Variants in NRG1 observed in about 807,000 individuals in gnomAD.
The protein encoded by NRG1 is pro-neuregulin-1, membrane-bound isoform.
In NRG1, 18 loss-of-function variants were observed where a neutral mutation model predicts 63.8. The ratio of observed to expected loss-of-function variants is 0.28; its 90% confidence interval spans 0.19 to 0.42. The LOEUF (loss-of-function observed/expected upper bound fraction) is 0.42. Ranked by LOEUF, NRG1 falls within the 10% of genes least tolerant of loss-of-function variation. The pLI is 1.00. For missense variants in NRG1, 762 were observed against 814.7 expected, an observed-to-expected ratio of 0.94 and a Z score of 0.79; for synonymous variants, 302 against 301.3, an observed-to-expected ratio of 1.00 and a Z score of -0.02.
At chr8:31,773,868 T>C (rs1818865300) in intron 1 of NRG1, among the ~76,000 whole-genome samples, 1 of 152,214 alleles carries the variant, frequency 6.6e-6, no homozygotes, top group Non-Finnish European at 1.5e-5. Context: ...ATGTATCAGT[T>C]TTCTACCTTG....
chr8:31,981,911 T>C (rs528972958), intron 1 of NRG1, among the ~76,000 whole-genome samples: 12 of 152,052 alleles, frequency 7.9e-5, no homozygotes, highest in African/African-American at 2.7e-4. Flanking sequence ...GGCAAAGGGA[T>C]TGATATTTAA....
intron 1 of NRG1, among the ~76,000 whole-genome samples, chr8:32,022,643 T>C (rs1169709088): frequency 6.6e-6 from 1 of 152,182 alleles, no homozygotes; most frequent in African/African-American, 2.4e-5. Flanking sequence ...GACACATTAA[T>C]TGACAACTCC....
chr8:32,389,532 G>T (rs771872017), intron 1 of NRG1, among the ~76,000 whole-genome samples: 1 of 152,076 alleles, frequency 6.6e-6, no homozygotes, highest in African/African-American at 2.4e-5. Context: ...CATCAAGTCT[G>T]GTTGAACCTA....
At chr8:32,425,144 A>G (rs1023504861) in intron 1 of NRG1, among the ~76,000 whole-genome samples, 7 of 152,210 alleles carry the variant, frequency 4.6e-5, no homozygotes. Context: ...AAGGAGGCCA[A>G]ATAGAATGAT....
chr8:31,774,996 G>A lies in NRG1; in HGVS notation c.37+135565G>A, dbSNP rs182104154. ...AACCATTATACATTGTTGGTGGGAA[G>A]GTAAATTAGTACAACCCCTATGGAA... On this transcript the variant is annotated intron_variant, in intron 1 of 10. Transcript: ENST00000519301. 3.9e-5 allele frequency among the ~76,000 whole-genome samples: 6 copies of A among 152,128 alleles called. 1 individual carries two copies. In the South Asian group the frequency reaches 1.0e-3, roughly 26 times the overall value.
At chr8:32,700,337 A>C (rs1814526136) in intron 5 of NRG1, among the ~76,000 whole-genome samples, 1 of 152,184 alleles carries the variant, frequency 6.6e-6, no homozygotes, top group Admixed American at 6.5e-5. Flanking sequence ...GTGAAATGAT[A>C]GGGCAAAAAT....
chr8:32,755,484 G>A (rs956989029), intron 8 of NRG1, among the ~76,000 whole-genome samples: 1 of 152,158 alleles, frequency 6.6e-6, no homozygotes, highest in Admixed American at 6.6e-5. Context: ...AAGGGATAGA[G>A]ATAAGCCTTC....
chr8:32,187,421 G>C (rs1447533336), intron 1 of NRG1, among the ~76,000 whole-genome samples: 15 of 152,082 alleles, frequency 9.9e-5, no homozygotes, highest in South Asian at 2.1e-4. Flanking sequence ...AAATAATTAA[G>C]GGCAAGCATT....
At chr8:32,063,052 G>A (rs960303498) in intron 1 of NRG1, 3 of 152,112 alleles carry the variant, frequency 2.0e-5, no homozygotes, top group African/African-American at 7.2e-5. Context: ...AAACTGTAAA[G>A]ATGTAAATGT....
intron 1 of NRG1, among the ~76,000 whole-genome samples, chr8:31,897,263 C>T (rs1831648292): frequency 6.6e-6 from 1 of 152,024 alleles, no homozygotes; most frequent in African/African-American, 2.4e-5. Flanking sequence ...TCCCTCCTCC[C>T]TTCTGGAACT....
Position 31,763,487 on chromosome 8 carries a change from T to C in NRG1, c.37+124056T>C, listed in dbSNP as rs542817095. On this transcript the variant is annotated intron_variant, in intron 1 of 10. Coordinates refer to the NRG1 transcript ENST00000519301. Reference sequence around the variant, plus strand: ...CAAAGCAGGACTTCTCTGTTTAGCTTCCCCCTTTCCATGTTTAAAAACTTT... The same window carrying C: ...CAAAGCAGGACTTCTCTGTTTAGCTCCCCCCTTTCCATGTTTAAAAACTTT... 5.6e-3 allele frequency among the ~76,000 whole-genome samples: 848 copies of C among 152,258 alleles called. 5 individuals are homozygous for C. Among genetic ancestry groups the C allele is most frequent in the Non-Finnish European group, 8.2e-3 (557 of 68,020 alleles).
intron 1 of NRG1, among the ~76,000 whole-genome samples, chr8:31,935,536 GTGTGACCCACTGTGTCA>G (rs1835230482): frequency 2.0e-5 from 3 of 152,202 alleles, no homozygotes; most frequent in Non-Finnish European, 4.4e-5. Context: ...GGGATTACAG[GTGTGACCCACTGTGTCA>G]GCCTCTCATT....
intron 1 of NRG1, among the ~76,000 whole-genome samples, chr8:32,080,753 TTGTGTGTGTGCGTGTGTGTGTG>T (rs1317959359): frequency 2.5e-5 from 3 of 121,296 alleles, no homozygotes; most frequent in African/African-American, 9.7e-5. Context: ...CAGAACCAAT[TTGTGTGTGTGCGTGTGTGTGTG>T]TGTGTGTGTG....
intron 1 of NRG1, among the ~76,000 whole-genome samples, chr8:31,669,286 G>A (rs899777799): frequency 2.0e-5 from 3 of 150,882 alleles, no homozygotes; most frequent in African/African-American, 7.3e-5. Flanking sequence ...TGCCCAGGCT[G>A]GAGCACAATG....
intron 1 of NRG1, among the ~76,000 whole-genome samples, chr8:31,794,564 T>C (rs1821018010): frequency 6.6e-6 from 1 of 151,896 alleles, no homozygotes; most frequent in Non-Finnish European, 1.5e-5. Context: ...AGTAGAATAG[T>C]AAAGATGAAT....
At chr8:31,808,025 A>G (rs1393507961) in intron 1 of NRG1, among the ~76,000 whole-genome samples, 1 of 151,394 alleles carries the variant, frequency 6.6e-6, no homozygotes, top group Non-Finnish European at 1.5e-5. Context: ...TTTTTTTCAC[A>G]GTCTTGGCTA....
intron 1 of NRG1, among the ~76,000 whole-genome samples, chr8:32,500,268 C>T (rs941828791): frequency 6.6e-6 from 1 of 152,138 alleles, no homozygotes; most frequent in African/African-American, 2.4e-5. Flanking sequence ...GTAAGCCAAG[C>T]CAAGAACTAG....
chr8:31,694,616 T>C (rs907930002), intron 1 of NRG1, among the ~76,000 whole-genome samples: 1 of 152,180 alleles, frequency 6.6e-6, no homozygotes, highest in Non-Finnish European at 1.5e-5. Context: ...GTGTTTTGTA[T>C]AGAAGGCTAT....
chr8:32,447,555 G>T (rs12707705), intron 1 of NRG1, among the ~76,000 whole-genome samples: 117,235 of 151,996 alleles, frequency 0.77, 45,428 homozygotes, highest in East Asian at 0.89. Context: ...AGTCAGCAAT[G>T]TTTAATTGTT....
Sources: allele counts gnomAD v4.1 joint callset (sites outside exome capture counted in the v4.1 genomes callset), GRCh38; gene constraint gnomAD v4.1.1; transcripts MANE v1.5; gene names NCBI Gene and HGNC (gene_info 2026-07-23, HGNC 2026-07-21).